The following TBL1XR1 variants were observed in gnomAD, a reference collection of about 807,000 sequenced individuals.
TBL1XR1 encodes the protein F-box-like/WD repeat-containing protein TBL1XR1.
In TBL1XR1, 5 loss-of-function variants were observed where a neutral mutation model predicts 66.9. That is an observed-to-expected ratio of 0.07 (90% CI 0.04 to 0.16). TBL1XR1 has a LOEUF of 0.16. TBL1XR1 is among the 10% of genes least tolerant of loss of function. TBL1XR1 has a pLI of 1.00. For missense variants in TBL1XR1, 238 were observed against 623.2 expected, an observed-to-expected ratio of 0.38 and a Z score of 6.58; for synonymous variants, 210 against 206.0, an observed-to-expected ratio of 1.02 and a Z score of -0.17.
At chr3:177,103,626 T>A (rs1724505597) in intron 1 of TBL1XR1, among the ~76,000 whole-genome samples, 1 of 152,186 alleles carries the variant, frequency 6.6e-6, no homozygotes, top group Non-Finnish European at 1.5e-5. Flanking sequence ...GAAGTAAATT[T>A]ATTTAATTTA....
chr3:177,103,692 C>T (rs976763490), intron 1 of TBL1XR1, among the ~76,000 whole-genome samples: 1 of 152,038 alleles, frequency 6.6e-6, no homozygotes, highest in Non-Finnish European at 1.5e-5. Context: ...GACAAAGGTA[C>T]AAACACAATA....
chr3:177,123,858 T>C (rs1727284632), intron 1 of TBL1XR1, among the ~76,000 whole-genome samples: 4 of 152,114 alleles, frequency 2.6e-5, no homozygotes, highest in Admixed American at 2.0e-4. Flanking sequence ...CAGTAAATTT[T>C]ATTTTCATGA....
rs971590161 is a variant in TBL1XR1, at chr3:177,172,558, G to C, written c.-122+24563C>G. On this transcript the variant is annotated intron_variant, in intron 1 of 15. Coordinates refer to ENST00000457928, the MANE Select transcript of TBL1XR1 (RefSeq NM_024665.7). ...GGATCGCATGAGCCCAGGATCGGAA[G>C]GTTAGTGAGCCATAATCGTACCACT... is the stretch of plus-strand genomic sequence containing the variant. Among the ~76,000 whole-genome samples, 40 of 151,022 alleles carry C rather than the reference G, an allele frequency of 2.6e-4. 1 individual carries two copies. The highest frequency in any genetic ancestry group is 3.4e-4 in the Non-Finnish European group (23 of 67,890).
At chr3:177,105,460 G>A (rs1293602255) in intron 1 of TBL1XR1, among the ~76,000 whole-genome samples, 1 of 152,154 alleles carries the variant, frequency 6.6e-6, no homozygotes, top group East Asian at 1.9e-4. Flanking sequence ...TGGGTACACT[G>A]GCACTTAAGT....
intron 2 of TBL1XR1, among the ~76,000 whole-genome samples, chr3:177,089,481 T>A (rs546110983): frequency 6.6e-6 from 1 of 152,320 alleles, no homozygotes; most frequent in South Asian, 2.1e-4. Context: ...GGATGCCACA[T>A]GATTTGAGTC....
At chr3:177,083,754 A>G (rs913688447) in intron 2 of TBL1XR1, among the ~76,000 whole-genome samples, 1 of 152,122 alleles carries the variant, frequency 6.6e-6, no homozygotes, top group Non-Finnish European at 1.5e-5. Flanking sequence ...CAACTTGCCC[A>G]TCAAGTAATG....
rs1023134137 is a variant in TBL1XR1 at position 177,146,825 on chromosome 3, T to C, written c.-121-48284A>G. 5.3e-5 allele frequency among the ~76,000 whole-genome samples: 8 copies of C among 152,178 alleles called. No homozygotes were observed. In the East Asian group the frequency reaches 5.8e-4, roughly 11 times the overall value. Reference sequence around the variant, plus strand: ...TAAAATGCTCATGTCAGAATCACCATAGTGAGTCACTGTTTCAAGCGAAAA... The same window carrying C: ...TAAAATGCTCATGTCAGAATCACCACAGTGAGTCACTGTTTCAAGCGAAAA... On this transcript the variant is annotated intron_variant, in intron 1 of 15. Transcript: ENST00000457928.
At chr3:177,043,090 T>C (rs1715826470) in intron 10 of TBL1XR1, among the ~76,000 whole-genome samples, 1 of 152,180 alleles carries the variant, frequency 6.6e-6, no homozygotes, top group South Asian at 2.1e-4. Flanking sequence ...TGTGGGTTCC[T>C]GAGTACTTGG....
At chr3:177,140,113 CA>C (rs368574020) in intron 1 of TBL1XR1, among the ~76,000 whole-genome samples, 22 of 152,176 alleles carry the variant, frequency 1.4e-4, no homozygotes, top group African/African-American at 5.3e-4. Flanking sequence ...CCAGCCTGGC[CA>C]ATATGATGAA....
At chr3:177,052,720 T>C (rs1021990258) in intron 4 of TBL1XR1, among the ~76,000 whole-genome samples, 4 of 151,402 alleles carry the variant, frequency 2.6e-5, no homozygotes, top group Admixed American at 1.3e-4. Flanking sequence ...ACAGAAATCA[T>C]AGATACTTCA....
intron 2 of TBL1XR1, among the ~76,000 whole-genome samples, chr3:177,095,011 C>T (rs1162415092): frequency 6.7e-6 from 1 of 149,202 alleles, no homozygotes; most frequent in Non-Finnish European, 1.5e-5. Context: ...GCGTTATATA[C>T]ATACAATGGA....
intron 14 of TBL1XR1, among the ~76,000 whole-genome samples, chr3:177,028,297 G>A (rs1713445711): frequency 6.6e-6 from 1 of 152,254 alleles, no homozygotes; most frequent in South Asian, 2.1e-4. Flanking sequence ...TTCAAAGTTT[G>A]AAAAAGTAAG....
chr3:177,110,012 TTTAG>T (rs1177053401), intron 1 of TBL1XR1, among the ~76,000 whole-genome samples: 1 of 152,214 alleles, frequency 6.6e-6, no homozygotes, highest in Non-Finnish European at 1.5e-5. Flanking sequence ...TCATTTATGT[TTTAG>T]TTACTCTAAT....
intron 1 of TBL1XR1, among the ~76,000 whole-genome samples, chr3:177,152,857 G>A (rs1577325074): frequency 6.6e-6 from 1 of 151,798 alleles, no homozygotes; most frequent in African/African-American, 2.4e-5. Context: ...TTAGATCTTC[G>A]CAATTCTGGC....
intron 1 of TBL1XR1, among the ~76,000 whole-genome samples, chr3:177,132,542 T>C (rs1173943328): frequency 1.3e-5 from 2 of 151,970 alleles, no homozygotes; most frequent in Admixed American, 6.6e-5. Context: ...TTAACAGAGA[T>C]GGGGGGAAAG....
intron 1 of TBL1XR1, among the ~76,000 whole-genome samples, chr3:177,148,489 G>A (rs530130457): frequency 2.1e-4 from 32 of 152,086 alleles, no homozygotes; most frequent in African/African-American, 7.0e-4. Flanking sequence ...GCTGAGGTGG[G>A]TGGATAACGA....
chr3:177,179,844 G>A (rs2108962896), intron 1 of TBL1XR1, among the ~76,000 whole-genome samples: 1 of 152,270 alleles, frequency 6.6e-6, no homozygotes, highest in African/African-American at 2.4e-5. Context: ...GAAAACGCAA[G>A]AAAGGCAAAT....
chr3:177,036,206 T>C (rs1024302862), intron 12 of TBL1XR1, among the ~76,000 whole-genome samples: 3 of 152,220 alleles, frequency 2.0e-5, no homozygotes, highest in South Asian at 2.1e-4. Flanking sequence ...ACCAGCCTGA[T>C]TGAACCCCAA....
chr3:177,078,319 G>A (rs943126245), intron 2 of TBL1XR1, among the ~76,000 whole-genome samples: 2 of 152,040 alleles, frequency 1.3e-5, no homozygotes, highest in South Asian at 2.1e-4. Flanking sequence ...TCGGCTGAGT[G>A]CATGGTTCAC....
Sources: allele counts gnomAD v4.1 joint callset (sites outside exome capture counted in the v4.1 genomes callset), GRCh38; gene constraint gnomAD v4.1.1; transcripts MANE v1.5; gene names NCBI Gene and HGNC (gene_info 2026-07-23, HGNC 2026-07-21).